GALNT14: variants seen among roughly 807,000 people sequenced by gnomAD.
GALNT14 encodes polypeptide N-acetylgalactosaminyltransferase 14.
In GALNT14, 60 loss-of-function variants were observed where a neutral mutation model predicts 77.5. The observed-to-expected ratio is 0.77, with a 90% CI of 0.63 to 0.96. GALNT14 has a LOEUF of 0.96. Ranked by LOEUF, GALNT14 falls within the 40% of genes least tolerant of loss-of-function variation. The probability of loss-of-function intolerance (pLI) is 0.00; values close to 1 mark genes in which losing one functional copy is unlikely to be tolerated. For synonymous variants in GALNT14, 280 were observed against 281.7 expected, an observed-to-expected ratio of 0.99 and a Z score of 0.06; for missense variants, 710 against 731.0, an observed-to-expected ratio of 0.97 and a Z score of 0.33.
rs144399625 is a variant in GALNT14 at position 31,134,426 on chromosome 2, TACAGCACGGAACTC to T, written c.129+3518_129+3531del. ...CCCATGATTACACGCTAGGAAAACC[TACAGCACGGAACTC>T]ACTCAAAAACCAACTTTTTTCCCTA... On this transcript the variant is annotated intron_variant, in intron 1 of 14. Coordinates refer to ENST00000349752, the MANE Select transcript of GALNT14 (RefSeq NM_024572.4). Among the ~76,000 whole-genome samples, 875 of 152,334 alleles carry T rather than the reference TACAGCACGGAACTC, an allele frequency of 5.7e-3. 6 individuals carry two copies. Among genetic ancestry groups the T allele is most frequent in the African/African-American group, 0.02 (840 of 41,558 alleles).
intron 2 of GALNT14, among the ~76,000 whole-genome samples, chr2:30,967,462 A>G (rs1020604814): frequency 6.6e-6 from 1 of 152,140 alleles, no homozygotes; most frequent in Non-Finnish European, 1.5e-5. Flanking sequence ...CAGAGAACTT[A>G]TTTAGAAAAA....
At chr2:30,924,903 C>A in intron 11 of GALNT14, 80 bp from the exon 12 acceptor site, 4 of 1,173,928 alleles carry the variant, frequency 3.4e-6, no homozygotes, top group Non-Finnish European at 5.0e-6. Flanking sequence ...CCAGTCCAGA[C>A]TGAGAACACA....
chr2:30,912,489 A>T, intron 13 of GALNT14, 147 bp from the exon 14 acceptor site: 2 of 889,382 alleles, frequency 2.2e-6, no homozygotes, highest in Non-Finnish European at 3.4e-6. Flanking sequence ...GTTACCTTGG[A>T]AAATGCTACT....
At chr2:30,989,961 C>T (rs1430070162) in intron 2 of GALNT14, among the ~76,000 whole-genome samples, 1 of 151,950 alleles carries the variant, frequency 6.6e-6, no homozygotes, top group Non-Finnish European at 1.5e-5. Context: ...GAAGGCTTGG[C>T]CTTGTCCTGT....
chr2:30,955,523 G>A, intron 6 of GALNT14, 95 bp downstream of exon 6: 1 of 1,487,754 alleles, frequency 6.7e-7, no homozygotes, highest in South Asian at 1.3e-5. Context: ...CCTCCCAGAA[G>A]AACTGGGGGT....
intron 1 of GALNT14, among the ~76,000 whole-genome samples, chr2:31,007,710 CT>C (rs1355027003): frequency 6.6e-6 from 1 of 152,160 alleles, no homozygotes; most frequent in Non-Finnish European, 1.5e-5. Flanking sequence ...ACCAGAGCTG[CT>C]TTGGTTTACG....
intron 1 of GALNT14, among the ~76,000 whole-genome samples, chr2:31,117,527 C>G (rs528935242): frequency 5.9e-5 from 9 of 152,186 alleles, no homozygotes; most frequent in Middle Eastern, 3.4e-3. Context: ...TTGAAAACAT[C>G]TATAAGATGG....
intron 6 of GALNT14, among the ~76,000 whole-genome samples, chr2:30,948,080 A>C (rs1196152858): frequency 6.6e-6 from 1 of 152,230 alleles, no homozygotes; most frequent in Non-Finnish European, 1.5e-5. Context: ...GCAGGCACAC[A>C]AACACCACCA....
chr2:30,976,612 C>T (rs62141382), intron 2 of GALNT14, among the ~76,000 whole-genome samples: 17,300 of 148,246 alleles, frequency 0.12, 1,213 homozygotes, highest in East Asian at 0.25. Flanking sequence ...TGTGCGTGTG[C>T]GTGTGTGTAT....
At chr2:31,028,590 C>T (rs1054645473) in intron 1 of GALNT14, among the ~76,000 whole-genome samples, 1 of 152,248 alleles carries the variant, frequency 6.6e-6, no homozygotes, top group African/African-American at 2.4e-5. Context: ...AGAAACACTG[C>T]TGCTTTATTA....
At chr2:31,022,882 A>G (rs552078462) in intron 1 of GALNT14, among the ~76,000 whole-genome samples, 39 of 152,202 alleles carry the variant, frequency 2.6e-4, no homozygotes, top group Non-Finnish European at 4.6e-4. Context: ...CTCCCCGCCT[A>G]TGGGTGCCCT....
chr2:30,927,078 G>C (rs543542217), intron 11 of GALNT14, among the ~76,000 whole-genome samples: 1 of 152,108 alleles, frequency 6.6e-6, no homozygotes, highest in African/African-American at 2.4e-5. Context: ...AGGAGAGACC[G>C]GGGATCAGGG....
intron 2 of GALNT14, among the ~76,000 whole-genome samples, chr2:30,976,376 A>G (rs1339122664): frequency 6.6e-6 from 1 of 152,182 alleles, no homozygotes; most frequent in East Asian, 1.9e-4. Flanking sequence ...ATGCACCAGG[A>G]TCCTTCTGTT....
At chr2:30,986,240 A>T (rs1033208407) in intron 2 of GALNT14, among the ~76,000 whole-genome samples, 3 of 152,214 alleles carry the variant, frequency 2.0e-5, no homozygotes, top group African/African-American at 7.2e-5. Context: ...GGCCAGGCAG[A>T]GGTGACCCAA....
chr2:31,129,503 G>A (rs1678873360), intron 1 of GALNT14: 1 of 985,260 alleles, frequency 1.0e-6, no homozygotes, highest in African/African-American at 1.7e-5. Context: ...GCCATCAATT[G>A]GCCATCTATT....
chr2:30,896,425 G>C, the GALNT14 span, among the ~76,000 whole-genome samples: 1 of 152,168 alleles, frequency 6.6e-6, no homozygotes, highest in African/African-American at 2.4e-5. Flanking sequence ...TCTTGGACTT[G>C]AATTTCACCT....
intron 1 of GALNT14, among the ~76,000 whole-genome samples, chr2:31,119,275 T>C (rs998971843): frequency 6.6e-6 from 1 of 152,178 alleles, no homozygotes; most frequent in East Asian, 1.9e-4. Context: ...AAGTCAACAG[T>C]ATTAACAAAT....
intron 3 of GALNT14, among the ~76,000 whole-genome samples, chr2:30,964,811 G>T (rs1363826643): frequency 6.6e-6 from 1 of 152,164 alleles, no homozygotes; most frequent in African/African-American, 2.4e-5. Flanking sequence ...TGAAGATTTG[G>T]TGCCTTCCCT....
the GALNT14 span, among the ~76,000 whole-genome samples, chr2:30,904,561 T>C: frequency 6.6e-6 from 1 of 152,200 alleles, no homozygotes; most frequent in Non-Finnish European, 1.5e-5. Flanking sequence ...GAGGGTCCTA[T>C]GCCCACGGAG....
Sources: allele counts gnomAD v4.1 joint callset (sites outside exome capture counted in the v4.1 genomes callset), GRCh38; gene constraint gnomAD v4.1.1; transcripts MANE v1.5; gene names NCBI Gene and HGNC (gene_info 2026-07-23, HGNC 2026-07-21).